The following DCC variants were observed in gnomAD, a reference collection of about 807,000 sequenced individuals.
The protein encoded by DCC is netrin receptor DCC.
In DCC, 58 loss-of-function variants were observed where a neutral mutation model predicts 172.5. The observed-to-expected ratio is 0.34, with a 90% CI of 0.27 to 0.42. The LOEUF is 0.42. Among genes scored for constraint, DCC ranks in the 10% least tolerant of loss-of-function variants. The pLI, the probability that DCC is intolerant of heterozygous loss-of-function variation, is 1.00. For missense variants in DCC, 1,740 were observed against 1,791.0 expected, an observed-to-expected ratio of 0.97 and a Z score of 0.51; for synonymous variants, 709 against 644.5, an observed-to-expected ratio of 1.10 and a Z score of -1.52.
intron 27 of DCC, among the ~76,000 whole-genome samples, chr18:53,512,124 C>A (rs1835178046): frequency 1.3e-5 from 2 of 152,162 alleles, no homozygotes; most frequent in Non-Finnish European, 2.9e-5. Context: ...TGAGAACGTG[C>A]AGACTGCCTC....
chr18:52,434,147 A>T (rs1220897748), intron 1 of DCC, among the ~76,000 whole-genome samples: 9 of 152,204 alleles, frequency 5.9e-5, no homozygotes. Context: ...AAAAGTGTTT[A>T]TTTCTCTAAA....
chr18:52,533,910 T>C (rs2032218898), intron 1 of DCC, among the ~76,000 whole-genome samples: 1 of 152,162 alleles, frequency 6.6e-6, no homozygotes, highest in South Asian at 2.1e-4. Flanking sequence ...GATTTCATGC[T>C]GTTACTATTT....
In DCC at chr18:53,113,568, A is replaced by G. The variant is rs565438470; in HGVS notation, c.1262-43788A>G. Among the ~76,000 whole-genome samples the G allele has an allele frequency of 9.2e-5, 14 of 151,526 alleles. No homozygotes were observed. In the South Asian group the frequency reaches 2.9e-3, roughly 31 times the overall value. ...AGCTTTATTAAGATATAATTCATATAGTATAAATCCTATTATTCTTTAGTC... is the reference window on the plus strand; with the variant it reads ...AGCTTTATTAAGATATAATTCATATGGTATAAATCCTATTATTCTTTAGTC... On this transcript the variant is annotated intron_variant, in intron 7 of 28. Transcript: ENST00000442544.
intron 12 of DCC, among the ~76,000 whole-genome samples, chr18:53,283,391 CT>C (rs1176205535): frequency 6.6e-6 from 1 of 152,112 alleles, no homozygotes; most frequent in Non-Finnish European, 1.5e-5. Flanking sequence ...ATTTCTCTCT[CT>C]CTTTCTTAGA....
In DCC at chr18:52,659,852, G is replaced by A. The variant is rs1051131014; in HGVS notation, c.92-92202G>A. On this transcript the variant is annotated intron_variant, in intron 1 of 28. Transcript: ENST00000442544. ...CAACCACCGTGACCATGGATAACAG[G>A]AGCAGACGAGGGAATGCTGATGTGA... Among the ~76,000 whole-genome samples, 4 of 151,926 alleles carry A rather than the reference G, an allele frequency of 2.6e-5. No homozygotes were observed. The East Asian group carries it at 7.8e-4, about 29-fold the overall frequency.
At chr18:52,463,683 C>T (rs1349963758) in intron 1 of DCC, among the ~76,000 whole-genome samples, 1 of 152,170 alleles carries the variant, frequency 6.6e-6, no homozygotes, top group Admixed American at 6.5e-5. Flanking sequence ...GGAGGATTAA[C>T]TGGACTGGCA....
intron 1 of DCC, among the ~76,000 whole-genome samples, chr18:52,560,847 AT>A (rs1414739243): frequency 2.6e-5 from 4 of 152,136 alleles, no homozygotes; most frequent in South Asian, 4.1e-4. Flanking sequence ...GTATTTGCTT[AT>A]TTTCTTAAAC....
At chr18:52,705,527 TG>T (rs2036193014) in intron 1 of DCC, among the ~76,000 whole-genome samples, 1 of 151,718 alleles carries the variant, frequency 6.6e-6, no homozygotes, top group Non-Finnish European at 1.5e-5. Flanking sequence ...CCAGAAAGAG[TG>T]GGGTTTCTGT....
chr18:52,630,263 T>C (rs907994536), intron 1 of DCC, among the ~76,000 whole-genome samples: 5 of 152,202 alleles, frequency 3.3e-5, no homozygotes, highest in Non-Finnish European at 7.3e-5. Flanking sequence ...CTCCAGGGGT[T>C]CATCCTATAA....
chr18:52,464,887 G>A (rs1489933136), intron 1 of DCC, among the ~76,000 whole-genome samples: 1 of 152,056 alleles, frequency 6.6e-6, no homozygotes, highest in Non-Finnish European at 1.5e-5. Flanking sequence ...CATGATAGAA[G>A]GAGACTAATA....
At chr18:52,835,788 A>G (rs970716081) in intron 2 of DCC, among the ~76,000 whole-genome samples, 1 of 152,194 alleles carries the variant, frequency 6.6e-6, no homozygotes, top group Non-Finnish European at 1.5e-5. Context: ...ATTGACAAAA[A>G]CTTCTTTGAT....
intron 27 of DCC, among the ~76,000 whole-genome samples, chr18:53,502,231 G>A (rs1502224): frequency 0.051 from 7,697 of 151,966 alleles, 663 homozygotes; most frequent in African/African-American, 0.17. Context: ...CTCTTTAAAT[G>A]CCACTCCTCT....
chr18:53,378,673 C>T (rs1907491632), intron 15 of DCC, among the ~76,000 whole-genome samples: 1 of 152,140 alleles, frequency 6.6e-6, no homozygotes, highest in South Asian at 2.1e-4. Flanking sequence ...TCTATCTGCC[C>T]AGCACTGAAA....
At chr18:53,369,412 A>G (rs945442342) in intron 15 of DCC, among the ~76,000 whole-genome samples, 1 of 151,892 alleles carries the variant, frequency 6.6e-6, no homozygotes, top group African/African-American at 2.4e-5. Context: ...TATGCATAAG[A>G]CTTTATCATC....
rs748787755 is a variant in DCC at position 52,340,770 on chromosome 18, G to A, written c.-18G>A. On this transcript the variant is annotated 5_prime_UTR_variant, in exon 1 of 29. Coordinates refer to ENST00000442544, the MANE Select transcript of DCC (RefSeq NM_005215.4). Reference sequence around the variant, plus strand: ...GCCGCTGCCCGCGACCCCTGGCCCCGAAGGTGTTGGCTGAAATATGGAGAA... The same window carrying A: ...GCCGCTGCCCGCGACCCCTGGCCCCAAAGGTGTTGGCTGAAATATGGAGAA... 84 of 1,608,700 alleles carry A rather than the reference G, an allele frequency of 5.2e-5. No individual in the cohort carries two copies. Among genetic ancestry groups the A allele is most frequent in the Non-Finnish European group, 7.1e-5 (84 of 1,175,340 alleles).
intron 1 of DCC, among the ~76,000 whole-genome samples, chr18:52,462,116 G>C (rs985188936): frequency 6.6e-6 from 1 of 152,046 alleles, no homozygotes; most frequent in African/African-American, 2.4e-5. Flanking sequence ...TGCTTGTCAG[G>C]ATTTGTCCCA....
chr18:52,837,829 A>T (rs988392950), intron 2 of DCC, among the ~76,000 whole-genome samples: 1 of 152,192 alleles, frequency 6.6e-6, no homozygotes, highest in Non-Finnish European at 1.5e-5. Flanking sequence ...GGACTGGGTA[A>T]TTTACAAAGG....
chr18:52,926,481 T>G (rs1045101577), intron 5 of DCC, among the ~76,000 whole-genome samples: 1 of 151,812 alleles, frequency 6.6e-6, no homozygotes, highest in African/African-American at 2.4e-5. Context: ...ACAGTTTAAT[T>G]GAGTCATATT....
chr18:53,245,106 T>C (rs1165055207), intron 12 of DCC, among the ~76,000 whole-genome samples: 2 of 152,086 alleles, frequency 1.3e-5, no homozygotes, highest in Non-Finnish European at 2.9e-5. Flanking sequence ...CATCTTACTA[T>C]AGTCCATGCT....
Sources: gnomAD v4.1 joint callset for allele counts (sites outside exome capture counted in the v4.1 genomes callset) on GRCh38, gnomAD v4.1.1 for gene constraint, MANE v1.5 for transcripts, NCBI Gene and HGNC (gene_info 2026-07-23, HGNC 2026-07-21) for gene names.